The following PEX10 variants were observed in gnomAD, a reference collection of about 807,000 sequenced individuals.
PEX10 encodes peroxisome biogenesis factor 10.
PEX10 carries 32 observed loss-of-function variants against 38.0 expected under a neutral mutation model. That is an observed-to-expected ratio of 0.84 (90% confidence interval 0.63 to 1.13). The LOEUF is 1.13. PEX10 is among the 50% of genes most tolerant of loss of function. The pLI, the probability that PEX10 is intolerant of heterozygous loss-of-function variation, is 0.00. For synonymous variants in PEX10, 206 were observed against 207.3 expected, an observed-to-expected ratio of 0.99 and a Z score of 0.05; for missense variants, 483 against 457.7, an observed-to-expected ratio of 1.06 and a Z score of -0.51.
At position 2,405,212 on chromosome 1, in the gene PEX10, G is replaced by A; in HGVS notation, c.*554C>T. ...GGTTGGTTTCTCTCTGCCCCGTGTG[G>A]TCATCAAGTCCTGGGGGATGTGCTC... On this transcript the variant is annotated 3_prime_UTR_variant, in exon 6 of 6. Transcript: ENST00000447513. 4.8e-6 allele frequency: 1 copy of A among 208,556 alleles called. No homozygotes were observed. Among genetic ancestry groups the A allele is most frequent in the Non-Finnish European group, 9.8e-6 (1 of 101,656 alleles). 12.9% of individuals were successfully genotyped at this position (208,556 alleles called of 1,614,324 possible). A position where few individuals can be genotyped will look rare whatever the true frequency, so the allele number is the denominator to read the frequency against.
chr1:2,411,330 G>A (rs1222033685), intron 1 of PEX10, among the ~76,000 whole-genome samples: 2 of 151,036 alleles, frequency 1.3e-5, no homozygotes, highest in African/African-American at 4.9e-5. Context: ...CCGCCTCCCG[G>A]GTTCAAGTGA....
Position 2,405,565 on chromosome 1 carries a change from T to C in PEX10, c.*201A>G. ...TTGGGGTTAGGGAAATGTTCTGGGT[T>C]CAGGCGCCCCTCCCAGGGCTGAGAA... On this transcript the variant is annotated 3_prime_UTR_variant, in exon 6 of 6. Coordinates refer to ENST00000447513, the MANE Select transcript of PEX10 (RefSeq NM_002617.4). 1 of 687,138 alleles carries C rather than the reference T, an allele frequency of 1.5e-6. No individual in the cohort carries two copies. Among genetic ancestry groups the C allele is most frequent in the East Asian group, 2.7e-5 (1 of 36,856 alleles). The allele number at this position is 687,138 out of a possible 1,614,324, so 42.6% of individuals were successfully genotyped here. A position where few individuals can be genotyped will look rare whatever the true frequency, so the allele number is the denominator to read the frequency against.
At chr1:2,406,642 TCAAGGTGGGTG>T in intron 4 of PEX10, 23 bp from the exon 5 acceptor site, 1 of 1,612,784 alleles carries the variant, frequency 6.2e-7, no homozygotes, top group Non-Finnish European at 8.5e-7. Context: ...GGGCAGAGCG[TCAAGGTGGGTG>T]CACCTTACAG....
At chr1:2,406,193 C>T (rs1452149786) in intron 5 of PEX10, among the ~76,000 whole-genome samples, 1 of 152,164 alleles carries the variant, frequency 6.6e-6, no homozygotes, top group Non-Finnish European at 1.5e-5. Flanking sequence ...GTGGTGAGGA[C>T]CCCGGGAGGA....
At position 2,405,844 on chromosome 1, in the gene PEX10, G is replaced by A. The variant is rs1238326478; in HGVS notation, c.913-10C>T. On this transcript the variant is annotated splice_polypyrimidine_tract_variant and intron_variant, in intron 5 of 5. Transcript: ENST00000447513. ...AGAGGGGACACTCCGCCTGCGGAGA[G>A]GAGAAAGGGGGTCACAGCAGCTGGG... 2 of 1,582,382 alleles carry A rather than the reference G, an allele frequency of 1.3e-6. No homozygotes were observed. The highest frequency in any genetic ancestry group is 1.2e-5 in the South Asian group (1 of 86,596).
rs149615608 is a variant in PEX10 at position 2,406,892 on chromosome 1, G to T, written c.604C>A (p.Arg202Ser). ...AKRLTGITYL[R>S]VRSLPGEDLR... ...TCCTCTCCGGGCAGGCTGCGGACAC[G>T]GAGCTGTAAGGCAGATGGCGCCACA... is the stretch of plus-strand genomic sequence containing the variant. The change falls in exon 4 of 6, where the codon CGT becomes AGT. Residue 202 changes from arginine (R) to serine (S), a missense_variant. Transcript: ENST00000447513. 3.7e-4 allele frequency: 602 copies of T among 1,608,262 alleles called. No individual in the cohort carries two copies. Among genetic ancestry groups the T allele is most frequent in the Non-Finnish European group, 5.1e-4 (595 of 1,177,798 alleles).
At chr1:2,411,280 G>C (rs1398661632) in intron 1 of PEX10, among the ~76,000 whole-genome samples, 1 of 133,900 alleles carries the variant, frequency 7.5e-6, no homozygotes, top group Non-Finnish European at 1.5e-5. Context: ...CTGTTGCCCA[G>C]ACTGGAGTGC....
rs142257121 is a variant in PEX10 at position 2,406,771 on chromosome 1, C to T, written c.725G>A (p.Arg242Gln). 5.0e-5 allele frequency: 80 copies of T among 1,610,138 alleles called. No individual in the cohort carries two copies. The highest frequency in any genetic ancestry group is 3.1e-4 in the South Asian group (28 of 90,550). The change falls in exon 4 of 6, where the codon CGG (arginine) becomes CAG (glutamine). Residue 242 changes from arginine (R) to glutamine (Q), a missense_variant. By Grantham distance (43) the Arg-to-Gln change is conservative. Transcript: ENST00000447513. ...CCTCCACTCCTTCCTGGCTCGCTGC[C>T]GCTGCCTGAAACCGTACAGCTGCAG... ...MGLQLYGFRQ[R>Q]QRARKEWRLH...
In PEX10 at chr1:2,406,740, G is replaced by A. The variant is rs1370683677; in HGVS notation, c.756C>T (p.His252=). ...CGCACCTGCGGTGAGACAGGCCGCGGTGCAGCCTCCACTCCTTCCTGGCTC... is the reference window on the plus strand; with the variant it reads ...CGCACCTGCGGTGAGACAGGCCGCGATGCAGCCTCCACTCCTTCCTGGCTC... The part of the protein sequence containing the change: ...RQRARKEWRL[H]RGLSHRRASL... Residue 252 remains histidine (H), a synonymous_variant, in exon 4 of 6, where the codon CAC becomes CAT. Coordinates refer to ENST00000447513, the MANE Select transcript of PEX10 (RefSeq NM_002617.4). The A allele has an allele frequency of 6.2e-7, 1 of 1,608,772 alleles. No homozygotes were observed. Among genetic ancestry groups the A allele is most frequent in the Non-Finnish European group, 8.5e-7 (1 of 1,178,256 alleles).
rs1027045019 is a variant in PEX10, at chr1:2,407,059, A to G, written c.601-164T>C. The G allele has an allele frequency of 1.7e-5, 16 of 922,036 alleles. No homozygotes were observed. The Admixed American group carries it at 3.2e-4, about 18-fold the overall frequency. 57.1% of individuals were successfully genotyped at this position (922,036 alleles called of 1,614,324 possible). A position where few individuals can be genotyped will look rare whatever the true frequency, so the allele number is the denominator to read the frequency against. On this transcript the variant is annotated intron_variant, in intron 3 of 5. Transcript: ENST00000447513. ...AACGATCAAGCCAGGGGGCAGGTTC[A>G]GGGAGTCTGAGGTGCCTGCTTCGTA...
At chr1:2,408,316 C>A in intron 3 of PEX10, 136 bp downstream of exon 3, 1 of 977,778 alleles carries the variant, frequency 1.0e-6, no homozygotes, top group Non-Finnish European at 1.6e-6. Context: ...ATTTGGGTTC[C>A]TGCCTTGACA....
Position 2,405,345 on chromosome 1 carries a change from C to T in PEX10, c.*421G>A. ...CCGCCAGCCTCCGTGCCCCACCCCA[C>T]CCAGCACGCACTCATTCAGTCCATT... On this transcript the variant is annotated 3_prime_UTR_variant, in exon 6 of 6. Coordinates refer to ENST00000447513, the MANE Select transcript of PEX10 (RefSeq NM_002617.4). 1 of 343,650 alleles carries T rather than the reference C, an allele frequency of 2.9e-6. No individual in the cohort carries two copies. The highest frequency in any genetic ancestry group is 4.2e-5 in the Admixed American group (1 of 23,910). 21.3% of individuals were successfully genotyped at this position (343,650 alleles called of 1,614,324 possible).
At position 2,408,649 on chromosome 1, in the gene PEX10, C is replaced by A. The variant is rs1206994647; in HGVS notation, c.403G>T (p.Gly135Trp). ...RPLQGSLGPG[G>W]RGCSGARRWM... ...CGCCGCGCCCCTGAGCAGCCACGCC[C>A]ACCTGGCCCCAGGCTCCCCTGCAAG... The change falls in exon 3 of 6, where the codon GGG becomes TGG. Residue 135 changes from glycine to tryptophan, a missense_variant. By Grantham distance (184) the Gly-to-Trp change is radical (BLOSUM62 -2). Transcript: ENST00000447513. 1 of 1,611,070 alleles carries A rather than the reference C, an allele frequency of 6.2e-7. No homozygotes were observed.
chr1:2,406,334 C>T, intron 5 of PEX10, 150 bp downstream of exon 5: 2 of 1,019,020 alleles, frequency 2.0e-6, no homozygotes, highest in South Asian at 1.3e-5. Context: ...CACATCTGAC[C>T]TACCTGGGAG....
At chr1:2,411,070 C>T (rs1330921376) in intron 1 of PEX10, among the ~76,000 whole-genome samples, 1 of 152,082 alleles carries the variant, frequency 6.6e-6, no homozygotes, top group Admixed American at 6.5e-5. Flanking sequence ...TGGCTGTCCT[C>T]TGATATTTAC....
intron 1 of PEX10, 90 bp downstream of exon 1, chr1:2,412,301 C>T (rs1643263097): frequency 4.7e-6 from 6 of 1,268,348 alleles, no homozygotes; most frequent in South Asian, 2.5e-5. Context: ...CCCAGGCGAC[C>T]GTGACCACAC....
In PEX10 at chr1:2,405,784, G is replaced by A. The variant is rs780114946; in HGVS notation, c.963C>T (p.Tyr321=). 9.4e-6 allele frequency: 15 copies of A among 1,603,794 alleles called. No individual in the cohort carries two copies. Among genetic ancestry groups the A allele is most frequent in the East Asian group, 2.3e-5 (1 of 44,336 alleles). ...CGCCGGCTCAGCGGTAGTGCCGAAG[G>A]TAGATGAGCTTCTGGGGAGGGAACT... ...REKFPPQKLI[Y]LRHYR The change falls in exon 6 of 6, where the codon TAC becomes TAT. Residue 321 remains tyrosine, a synonymous_variant. Transcript: ENST00000447513.
At position 2,406,707 on chromosome 1, in the gene PEX10, C is replaced by T. The variant is rs1303522736; in HGVS notation, c.776+13G>A. 14 of 1,608,254 alleles carry T rather than the reference C, an allele frequency of 8.7e-6. No homozygotes were observed. Among genetic ancestry groups the T allele is most frequent in the African/African-American group, 1.3e-5 (1 of 74,868 alleles). Reference sequence around the variant, plus strand: ...GGACACCCCCAGCCCCCATGTGTGGCCCCCGCACGCACCTGCGGTGAGACA... The same window carrying T: ...GGACACCCCCAGCCCCCATGTGTGGTCCCCGCACGCACCTGCGGTGAGACA... On this transcript the variant is annotated intron_variant, in intron 4 of 5. Coordinates refer to ENST00000447513, the MANE Select transcript of PEX10 (RefSeq NM_002617.4).
upstream of PEX10, chr1:2,413,631 C>T (rs1208802190): frequency 6.6e-6 from 1 of 152,464 alleles, no homozygotes; most frequent in Non-Finnish European, 1.5e-5. Context: ...GGAGAAGGCC[C>T]TGTTTTTTGG....
Sources: allele counts gnomAD v4.1 joint callset (sites outside exome capture counted in the v4.1 genomes callset), GRCh38; gene constraint gnomAD v4.1.1; transcripts MANE v1.5; gene names NCBI Gene and HGNC (gene_info 2026-07-23, HGNC 2026-07-21).